SNX25: variants seen among roughly 807,000 people sequenced by gnomAD.
SNX25 encodes the protein sorting nexin 25, also known as sorting nexin-25.
A neutral mutation model predicts 113.7 loss-of-function variants in SNX25; 62 were observed. The observed-to-expected ratio is 0.55, with a 90% CI of 0.44 to 0.67. The LOEUF is 0.67. SNX25 is among the 30% of genes least tolerant of loss of function. The pLI, the probability that SNX25 is intolerant of heterozygous loss-of-function variation, is 0.00. For synonymous variants in SNX25, 421 were observed against 436.2 expected (o/e 0.97, Z 0.43); for missense variants, 1,014 against 1,161.0 (o/e 0.87, Z 1.84).
At chr4:185,287,842 G>A (rs1043171357) in intron 5 of SNX25, among the ~76,000 whole-genome samples, 170 bp from the exon 6 acceptor site, 2 of 152,182 alleles carry the variant, frequency 1.3e-5, no homozygotes, top group African/African-American at 4.8e-5. Flanking sequence ...GTGGCATGGG[G>A]CCCGGCCTAT....
At chr4:185,224,123 G>A (rs1021818191) in intron 1 of SNX25, among the ~76,000 whole-genome samples, 3 of 152,006 alleles carry the variant, frequency 2.0e-5, no homozygotes, top group East Asian at 3.9e-4. Context: ...GAGGCTAGGC[G>A]GGTGGGTCAC....
At chr4:185,373,092 C>A (rs1334457999), downstream of SNX25, 60 of 1,592,058 alleles carry the variant, frequency 3.8e-5, no homozygotes, top group Non-Finnish European at 4.9e-5. Flanking sequence ...AAGAAAAGCA[C>A]AGTTTCATCA....
chr4:185,302,151 G>A (rs1408984520), intron 6 of SNX25, among the ~76,000 whole-genome samples: 1 of 149,412 alleles, frequency 6.7e-6, no homozygotes, highest in African/African-American at 2.5e-5. Context: ...GGTTAGGCTG[G>A]TCTCGAACTC....
At chr4:185,241,487 T>G (rs62347783) in intron 1 of SNX25, among the ~76,000 whole-genome samples, 5 of 66,058 alleles carry the variant, frequency 7.6e-5, no homozygotes, top group Admixed American at 2.0e-4. Flanking sequence ...AGAGGGAGAC[T>G]GTGGGGAGAG....
chr4:185,347,587 A>C (rs1038942542), intron 13 of SNX25, among the ~76,000 whole-genome samples: 2 of 151,746 alleles, frequency 1.3e-5, no homozygotes, highest in African/African-American at 4.8e-5. Context: ...TCTCCTGCCT[A>C]AGCCTCCCAA....
At chr4:185,332,546 T>G in intron 9 of SNX25, 49 bp from the exon 10 acceptor site, 2 of 1,503,478 alleles carry the variant, frequency 1.3e-6, no homozygotes, top group Non-Finnish European at 1.8e-6. Flanking sequence ...TAATAATTAC[T>G]GAATTTTCTA....
chr4:185,249,724 C>A (rs1745375615), intron 2 of SNX25, among the ~76,000 whole-genome samples: 1 of 151,838 alleles, frequency 6.6e-6, no homozygotes, highest in African/African-American at 2.4e-5. Flanking sequence ...TTAAGTGCAT[C>A]CAGTGAAATT....
intron 6 of SNX25, among the ~76,000 whole-genome samples, chr4:185,307,245 G>C (rs1445092989): frequency 1.3e-5 from 2 of 152,244 alleles, no homozygotes; most frequent in East Asian, 3.8e-4. Context: ...GAGGTCTCCA[G>C]CTGGGAGGAT....
intron 2 of SNX25, among the ~76,000 whole-genome samples, chr4:185,253,592 C>T (rs184649512): frequency 2.0e-5 from 3 of 152,092 alleles, no homozygotes; most frequent in African/African-American, 7.2e-5. Context: ...CTCAGCCTCC[C>T]GAGTTGCTTG....
rs1276087784 is a variant in SNX25, at chr4:185,212,506, T to C, written c.429+2251T>C. On this transcript the variant is annotated intron_variant, in intron 1 of 18. Transcript: ENST00000652585. ...GTGTGTGTGTGTTTTTTTTTTTTTT[T>C]GCTTTGAGACAGGGTCTGCTCTGTC... is the stretch of plus-strand genomic sequence containing the variant. Among the ~76,000 whole-genome samples, 4 of 141,680 alleles carry C rather than the reference T, an allele frequency of 2.8e-5. No homozygotes were observed. In the Admixed American group the frequency reaches 2.8e-4, roughly 10 times the overall value. 92.9% of individuals were successfully genotyped at this position (141,680 alleles called of 152,430 possible).
chr4:185,239,307 C>G (rs1743183284), intron 1 of SNX25, among the ~76,000 whole-genome samples: 1 of 151,994 alleles, frequency 6.6e-6, no homozygotes, highest in African/African-American at 2.4e-5. Context: ...CACGGTGAAA[C>G]TCCGTCTCTA....
intron 2 of SNX25, among the ~76,000 whole-genome samples, chr4:185,254,196 T>G (rs1471097095): frequency 6.6e-6 from 1 of 152,120 alleles, no homozygotes; most frequent in African/African-American, 2.4e-5. Context: ...ATGTATACTT[T>G]TTTTTTTGTT....
chr4:185,357,599 T>C, intron 15 of SNX25, 72 bp from the exon 16 acceptor site: 1 of 1,198,706 alleles, frequency 8.3e-7, no homozygotes, highest in Non-Finnish European at 1.2e-6. Flanking sequence ...GATTTATGCT[T>C]TGTACAGCTA....
At chr4:185,349,644 A>G (rs1176531038) in intron 13 of SNX25, among the ~76,000 whole-genome samples, 1 of 151,978 alleles carries the variant, frequency 6.6e-6, no homozygotes, top group Non-Finnish European at 1.5e-5. Flanking sequence ...CATGAGGTTG[A>G]TCATTTTTTC....
chr4:185,274,044 T>C (rs1344635238), intron 5 of SNX25, among the ~76,000 whole-genome samples: 1 of 151,286 alleles, frequency 6.6e-6, no homozygotes, highest in Admixed American at 6.6e-5. Flanking sequence ...GGAAAAAAGA[T>C]GACAAGGTTA....
intron 2 of SNX25, among the ~76,000 whole-genome samples, chr4:185,249,010 G>A (rs1434556602): frequency 6.6e-6 from 1 of 152,138 alleles, no homozygotes; most frequent in Non-Finnish European, 1.5e-5. Context: ...TTGGGTGGGT[G>A]GTATTCCATT....
chr4:185,215,773 C>T (rs893808634), intron 1 of SNX25, among the ~76,000 whole-genome samples: 3 of 151,326 alleles, frequency 2.0e-5, no homozygotes, highest in African/African-American at 4.9e-5. Context: ...GTGGTATAAG[C>T]GTTGTTTTAC....
intron 14 of SNX25, 78 bp downstream of exon 14, chr4:185,351,687 C>T: frequency 6.9e-7 from 1 of 1,441,648 alleles, no homozygotes; most frequent in Non-Finnish European, 9.4e-7. Context: ...TGGGGGGAAG[C>T]AAATCCCTCT....
intron 7 of SNX25, among the ~76,000 whole-genome samples, chr4:185,317,807 GAGAGCATTAGA>G (rs1218317092): frequency 3.9e-5 from 6 of 152,150 alleles, no homozygotes; most frequent in Non-Finnish European, 5.9e-5. Flanking sequence ...TAAGGGGAGG[GAGAGCATTAGA>G]ACAAATACCT....
Sources: gnomAD v4.1 joint callset for allele counts (sites outside exome capture counted in the v4.1 genomes callset) on GRCh38, gnomAD v4.1.1 for gene constraint, MANE v1.5 for transcripts, NCBI Gene and HGNC (gene_info 2026-07-23, HGNC 2026-07-21) for gene names.